GPC6: variants seen among roughly 807,000 people sequenced by gnomAD.
GPC6 encodes the protein glypican 6, also known as glypican-6.
In GPC6, 14 loss-of-function variants were observed where a neutral mutation model predicts 55.2. The ratio of observed to expected loss-of-function variants is 0.25; its 90% CI spans 0.17 to 0.40. The LOEUF (loss-of-function observed/expected upper bound fraction) is 0.40. Among genes scored for constraint, GPC6 ranks in the 10% least tolerant of loss-of-function variants. GPC6 has a pLI of 1.00. For synonymous variants in GPC6, 278 were observed against 259.6 expected (o/e 1.07, Z -0.68); for missense variants, 641 against 708.5 (o/e 0.90, Z 1.08).
chr13:93,241,181 T>C (rs1876416162), intron 1 of GPC6, among the ~76,000 whole-genome samples: 1 of 152,214 alleles, frequency 6.6e-6, no homozygotes, highest in Non-Finnish European at 1.5e-5. Context: ...GATGTTTAAA[T>C]TTCTATCAAG....
chr13:93,731,162 G>C (rs1883806531), intron 2 of GPC6, among the ~76,000 whole-genome samples: 1 of 152,158 alleles, frequency 6.6e-6, no homozygotes, highest in South Asian at 2.1e-4. Flanking sequence ...CAGTACTAGG[G>C]AGAAAATGAA....
At chr13:94,045,570 GA>G (rs767808926) in intron 4 of GPC6, among the ~76,000 whole-genome samples, 1 of 151,718 alleles carries the variant, frequency 6.6e-6, no homozygotes, top group Non-Finnish European at 1.5e-5. Flanking sequence ...TCTACATTGA[GA>G]AAAAGGTAGA....
At chr13:94,364,587 A>G (rs1445475529) in intron 6 of GPC6, among the ~76,000 whole-genome samples, 2 of 151,850 alleles carry the variant, frequency 1.3e-5, no homozygotes, top group African/African-American at 2.4e-5. Flanking sequence ...ACACCCTACA[A>G]CCCTTAAATG....
intron 2 of GPC6, among the ~76,000 whole-genome samples, chr13:93,628,179 C>T (rs980071199): frequency 6.6e-6 from 1 of 152,046 alleles, no homozygotes; most frequent in East Asian, 1.9e-4. Flanking sequence ...AATGGAAGTG[C>T]CTTTGATCAA....
At chr13:94,048,776 G>C (rs1288983562) in intron 4 of GPC6, among the ~76,000 whole-genome samples, 1 of 152,036 alleles carries the variant, frequency 6.6e-6, no homozygotes, top group African/African-American at 2.4e-5. Context: ...ATTCCCTTCT[G>C]ACTTAATTCT....
intron 2 of GPC6, among the ~76,000 whole-genome samples, chr13:93,579,674 G>A (rs1876843150): frequency 6.6e-6 from 1 of 152,160 alleles, no homozygotes; most frequent in Non-Finnish European, 1.5e-5. Context: ...GATGAGAAAG[G>A]AGACTTGATT....
intron 1 of GPC6, among the ~76,000 whole-genome samples, chr13:93,290,009 A>G (rs1173868449): frequency 1.3e-5 from 2 of 152,158 alleles, no homozygotes; most frequent in Admixed American, 6.6e-5. Flanking sequence ...GAAACTGAAT[A>G]TGGTAGAATT....
intron 1 of GPC6, among the ~76,000 whole-genome samples, chr13:93,370,904 C>A (rs534925920): frequency 6.6e-6 from 1 of 152,030 alleles, no homozygotes. Flanking sequence ...TTATATAGAC[C>A]AATGACATTT....
intron 4 of GPC6, among the ~76,000 whole-genome samples, chr13:94,280,468 T>G (rs1892345945): frequency 6.6e-6 from 1 of 152,052 alleles, no homozygotes; most frequent in Non-Finnish European, 1.5e-5. Context: ...GCATTTTAAT[T>G]CATCGATTTG....
At chr13:94,396,546 C>G (rs1045511765) in intron 7 of GPC6, among the ~76,000 whole-genome samples, 8 of 152,236 alleles carry the variant, frequency 5.3e-5, no homozygotes, top group African/African-American at 1.9e-4. Flanking sequence ...CCAACCAAAC[C>G]TGGCCCCCTT....
intron 1 of GPC6, among the ~76,000 whole-genome samples, chr13:93,519,089 A>T (rs1881312225): frequency 6.6e-6 from 1 of 152,064 alleles, no homozygotes; most frequent in South Asian, 2.1e-4. Flanking sequence ...AAATATTAAA[A>T]GCCTAAAGTA....
intron 5 of GPC6, among the ~76,000 whole-genome samples, chr13:94,288,390 A>G (rs1381079905): frequency 6.6e-6 from 1 of 151,978 alleles, no homozygotes; most frequent in Non-Finnish European, 1.5e-5. Flanking sequence ...AAGTATTTCT[A>G]CAACATCAAT....
chr13:93,406,552 A>G (rs1026899548), intron 1 of GPC6, among the ~76,000 whole-genome samples: 1 of 152,186 alleles, frequency 6.6e-6, no homozygotes, highest in Non-Finnish European at 1.5e-5. Context: ...TCCTTTTTTG[A>G]ACAATAACTT....
At chr13:93,907,626 T>C (rs1005122752) in intron 3 of GPC6, among the ~76,000 whole-genome samples, 1 of 152,106 alleles carries the variant, frequency 6.6e-6, no homozygotes, top group Non-Finnish European at 1.5e-5. Context: ...GGTGAAGAAG[T>C]GGACAGAGAT....
intron 4 of GPC6, among the ~76,000 whole-genome samples, chr13:94,226,623 A>G (rs963083509): frequency 6.6e-6 from 1 of 152,194 alleles, no homozygotes; most frequent in Non-Finnish European, 1.5e-5. Context: ...TTGGGTCTAA[A>G]GAAACAAACA....
intron 1 of GPC6, among the ~76,000 whole-genome samples, chr13:93,403,265 GA>G (rs1462849367): frequency 6.6e-6 from 1 of 152,124 alleles, no homozygotes; most frequent in Non-Finnish European, 1.5e-5. Flanking sequence ...TTAACAAGTT[GA>G]TTATTGGTCT....
At chr13:94,296,652 G>A (rs1338449320) in intron 5 of GPC6, among the ~76,000 whole-genome samples, 4 of 152,168 alleles carry the variant, frequency 2.6e-5, no homozygotes, top group Non-Finnish European at 5.9e-5. Context: ...GCCTCAGCCA[G>A]CCTACATGTA....
intron 1 of GPC6, among the ~76,000 whole-genome samples, chr13:93,303,175 G>A (rs1190067558): frequency 6.6e-6 from 1 of 152,114 alleles, no homozygotes; most frequent in Non-Finnish European, 1.5e-5. Context: ...ACCACTTTTG[G>A]TTTGGAGCTA....
chr13:93,494,830 T>C (rs1880191694), intron 1 of GPC6, among the ~76,000 whole-genome samples: 1 of 148,956 alleles, frequency 6.7e-6, no homozygotes, highest in Non-Finnish European at 1.5e-5. Flanking sequence ...ATTCTTTTCT[T>C]TAAGAATGTT....
Sources: gnomAD v4.1 joint callset for allele counts (sites outside exome capture counted in the v4.1 genomes callset) on GRCh38, gnomAD v4.1.1 for gene constraint, MANE v1.5 for transcripts, NCBI Gene and HGNC (gene_info 2026-07-23, HGNC 2026-07-21) for gene names.